The following CDYL2 variants were observed in gnomAD, a reference collection of about 807,000 sequenced individuals.
CDYL2 encodes the protein chromodomain Y like 2.
Under a neutral mutation model 49.4 loss-of-function variants are expected in CDYL2, and 23 were observed. That is an observed-to-expected ratio of 0.47 (90% CI 0.34 to 0.66). The LOEUF (loss-of-function observed/expected upper bound fraction) is 0.66. Among genes scored for constraint, CDYL2 ranks in the 30% least tolerant of loss-of-function variants. The pLI is 0.01. For synonymous variants in CDYL2, 360 were observed against 268.8 expected (o/e 1.34, Z -3.32); for missense variants, 678 against 656.4 (o/e 1.03, Z -0.36).
At chr16:80,695,794 T>C (rs1486070541) in intron 1 of CDYL2, among the ~76,000 whole-genome samples, 2 of 152,030 alleles carry the variant, frequency 1.3e-5, no homozygotes, top group African/African-American at 2.4e-5. Flanking sequence ...AAGACCTCAA[T>C]ACAATATTAG....
At chr16:80,797,007 T>G (rs978833538) in intron 1 of CDYL2, among the ~76,000 whole-genome samples, 4 of 152,210 alleles carry the variant, frequency 2.6e-5, no homozygotes, top group African/African-American at 9.6e-5. Flanking sequence ...ACCTCTTTTT[T>G]TTCTACCTCT....
chr16:80,628,693 T>TA (rs1907414454), intron 3 of CDYL2, among the ~76,000 whole-genome samples: 1 of 152,268 alleles, frequency 6.6e-6, no homozygotes, highest in Non-Finnish European at 1.5e-5. Context: ...ACTAATACAA[T>TA]CCCACAAGAG....
intron 3 of CDYL2, among the ~76,000 whole-genome samples, chr16:80,628,530 A>G (rs1597133445): frequency 6.6e-6 from 1 of 152,194 alleles, no homozygotes; most frequent in East Asian, 1.9e-4. Flanking sequence ...CTGCAGCCCC[A>G]GCCTCCACTT....
intron 1 of CDYL2, among the ~76,000 whole-genome samples, chr16:80,757,077 A>G (rs1906336647): frequency 1.3e-5 from 2 of 152,178 alleles, no homozygotes; most frequent in South Asian, 4.1e-4. Flanking sequence ...AAAAAATGCT[A>G]GCCTACCAAA....
intron 1 of CDYL2, among the ~76,000 whole-genome samples, chr16:80,735,370 G>T (rs1054210752): frequency 1.3e-5 from 2 of 152,156 alleles, no homozygotes; most frequent in African/African-American, 4.8e-5. Flanking sequence ...TCCTTAAAGA[G>T]TTTTACAAGT....
chr16:80,800,828 G>T (rs1033989438), intron 1 of CDYL2, among the ~76,000 whole-genome samples: 1 of 152,178 alleles, frequency 6.6e-6, no homozygotes, highest in Non-Finnish European at 1.5e-5. Context: ...CAAGAAAACT[G>T]AGAGCCTATC....
chr16:80,598,525 G>A lies in CDYL2; in HGVS notation c.*5863C>T, dbSNP rs1905936907. The A allele has an allele frequency of 6.6e-6, 1 of 152,158 alleles. No homozygotes were observed. Among genetic ancestry groups the A allele is most frequent in the African/African-American group, 2.4e-5 (1 of 41,426 alleles). 9.4% of individuals were successfully genotyped at this position (152,158 alleles called of 1,614,324 possible). A position where few individuals can be genotyped will look rare whatever the true frequency, so the allele number is the denominator to read the frequency against. On this transcript the variant is annotated 3_prime_UTR_variant, in exon 7 of 7. Coordinates refer to ENST00000570137, the MANE Select transcript of CDYL2 (RefSeq NM_152342.4). ...AGAATGGGTCAATGAAGAACAAAAG[G>A]AGGCAGACATTTGGAAAGTGCAGGA...
chr16:80,778,365 T>A (rs1371527617), intron 1 of CDYL2, among the ~76,000 whole-genome samples: 1 of 151,508 alleles, frequency 6.6e-6, no homozygotes, highest in African/African-American at 2.4e-5. Context: ...TAAGATGATA[T>A]AATTTAAGCA....
chr16:80,704,034 G>C (rs980981152), intron 1 of CDYL2, among the ~76,000 whole-genome samples: 11 of 152,190 alleles, frequency 7.2e-5, no homozygotes, highest in Non-Finnish European at 1.5e-4. Context: ...AGATTGGGAG[G>C]TGAAGGTGAC....
chr16:80,712,185 G>GTT (rs1032871818), intron 1 of CDYL2, among the ~76,000 whole-genome samples: 1 of 15,566 alleles, frequency 6.4e-5, no homozygotes, highest in Non-Finnish European at 1.1e-4. Flanking sequence ...CTTTGTGTCT[G>GTT]TGTGTGTATA....
chr16:80,717,263 CT>C (rs879541852), intron 1 of CDYL2, among the ~76,000 whole-genome samples: 8 of 152,200 alleles, frequency 5.3e-5, no homozygotes, highest in Non-Finnish European at 1.2e-4. Context: ...GCAGCTTCAC[CT>C]TCAGGAGCTA....
chr16:80,607,447 A>G (rs544891341), intron 6 of CDYL2, among the ~76,000 whole-genome samples: 2 of 152,304 alleles, frequency 1.3e-5, no homozygotes, highest in East Asian at 3.9e-4. Context: ...TAGAGCCTCA[A>G]TCTCCCAAAA....
rs905646879 is a variant in CDYL2, at chr16:80,600,866, GT to G, written c.*3521del. 10 of 152,174 alleles carry G rather than the reference GT, an allele frequency of 6.6e-5. No individual in the cohort carries two copies. Among genetic ancestry groups the G allele is most frequent in the South Asian group, 4.1e-4 (2 of 4,832 alleles). 9.4% of individuals were successfully genotyped at this position (152,174 alleles called of 1,614,324 possible). On this transcript the variant is annotated 3_prime_UTR_variant, in exon 7 of 7. Transcript: ENST00000570137. ...CATTCAGTGAAGGCTATTTTTAAATGTGGATATTCAGAGATACAGTTGCATT... is the reference window on the plus strand; with the variant it reads ...CATTCAGTGAAGGCTATTTTTAAATGGGATATTCAGAGATACAGTTGCATT...
chr16:80,745,832 T>G (rs1490441475), intron 1 of CDYL2, among the ~76,000 whole-genome samples: 2 of 152,124 alleles, frequency 1.3e-5, no homozygotes, highest in Non-Finnish European at 2.9e-5. Flanking sequence ...TCCAGCGACC[T>G]TCCACTTATG....
At chr16:80,753,563 GT>G (rs1906210038) in intron 1 of CDYL2, among the ~76,000 whole-genome samples, 1 of 152,018 alleles carries the variant, frequency 6.6e-6, no homozygotes, top group Admixed American at 6.6e-5. Context: ...AGCCAAGATC[GT>G]GCCATTGTAC....
At chr16:80,640,432 C>T (rs181948581) in intron 2 of CDYL2, among the ~76,000 whole-genome samples, 1 of 152,220 alleles carries the variant, frequency 6.6e-6, no homozygotes, top group Admixed American at 6.5e-5. Context: ...ATACAGGTAC[C>T]ACGTTGAGGG....
chr16:80,800,464 T>C (rs1215527333), intron 1 of CDYL2, among the ~76,000 whole-genome samples: 1 of 152,162 alleles, frequency 6.6e-6, no homozygotes, highest in Non-Finnish European at 1.5e-5. Flanking sequence ...TAAACTCTGT[T>C]ATTCTTAGTG....
chr16:80,743,051 T>C (rs1222336592), intron 1 of CDYL2, among the ~76,000 whole-genome samples: 1 of 152,012 alleles, frequency 6.6e-6, no homozygotes, highest in African/African-American at 2.4e-5. Context: ...GGTGGATGGC[T>C]GTATGGAGGG....
chr16:80,638,325 T>A (rs1045124490), intron 2 of CDYL2, among the ~76,000 whole-genome samples: 16 of 152,144 alleles, frequency 1.1e-4, no homozygotes, highest in African/African-American at 3.9e-4. Context: ...TCCTCCCACC[T>A]CAGGCTCCCA....
Sources: gnomAD v4.1 joint callset for allele counts (sites outside exome capture counted in the v4.1 genomes callset) on GRCh38, gnomAD v4.1.1 for gene constraint, MANE v1.5 for transcripts, NCBI Gene and HGNC (gene_info 2026-07-23, HGNC 2026-07-21) for gene names.